The following LRRC7 variants were observed in gnomAD, a reference collection of about 807,000 sequenced individuals.
LRRC7 encodes leucine-rich repeat-containing protein 7.
A neutral mutation model predicts 175.7 loss-of-function variants in LRRC7; 23 were observed. The ratio of observed to expected loss-of-function variants is 0.13; its 90% CI spans 0.09 to 0.19. The LOEUF is 0.19. Among genes scored for constraint, LRRC7 ranks in the 10% least tolerant of loss-of-function variants. The pLI, the probability that LRRC7 is intolerant of heterozygous loss-of-function variation, is 1.00. For synonymous variants in LRRC7, 685 were observed against 680.9 expected (o/e 1.01, Z -0.09); for missense variants, 1,354 against 1,904.7 (o/e 0.71, Z 5.38).
intron 3 of LRRC7, among the ~76,000 whole-genome samples, chr1:69,768,487 AT>A (rs1188399957): frequency 2.0e-5 from 3 of 152,180 alleles, no homozygotes; most frequent in Non-Finnish European, 4.4e-5. Context: ...TTTAAGCCTC[AT>A]TGTGTCTCTA....
At chr1:69,965,574 T>A (rs924048633) in intron 8 of LRRC7, among the ~76,000 whole-genome samples, 89 of 152,092 alleles carry the variant, frequency 5.9e-4, no homozygotes, top group African/African-American at 1.9e-3. Flanking sequence ...ATATAAAAAA[T>A]TTTTTTCCAA....
At chr1:69,953,490 C>T (rs183941851) in intron 8 of LRRC7, among the ~76,000 whole-genome samples, 1 of 152,012 alleles carries the variant, frequency 6.6e-6, no homozygotes, top group Non-Finnish European at 1.5e-5. Flanking sequence ...TGGCACACAT[C>T]TTTCCCTTCT....
chr1:69,824,868 AG>A (rs1168511289), intron 4 of LRRC7, among the ~76,000 whole-genome samples: 2 of 152,306 alleles, frequency 1.3e-5, no homozygotes, highest in Middle Eastern at 3.4e-3. Flanking sequence ...GTGGTACTGC[AG>A]GCATATCGCA....
At chr1:69,987,646 T>C (rs1321489962) in intron 10 of LRRC7, among the ~76,000 whole-genome samples, 3 of 152,204 alleles carry the variant, frequency 2.0e-5, no homozygotes, top group African/African-American at 7.2e-5. Context: ...CCAGAACATA[T>C]AACTTTTAAA....
rs1248344771 is a variant in LRRC7, at chr1:70,125,684, T to A, written c.*3797T>A. On this transcript the variant is annotated 3_prime_UTR_variant, in exon 27 of 27. Coordinates refer to ENST00000651989, the MANE Select transcript of LRRC7 (RefSeq NM_001370785.2). ...GCGGGCGCCTGTAGTCCCAGCTACT[T>A]GGGAGGCTGAGGCAGGAGAATGGCG... Among the ~76,000 whole-genome samples, 1 of 144,900 alleles carries A rather than the reference T, an allele frequency of 6.9e-6. No individual in the cohort carries two copies. The highest frequency in any genetic ancestry group is 1.5e-5 in the Non-Finnish European group (1 of 66,078).
chr1:70,126,695 G>A lies in LRRC7; in HGVS notation c.*4808G>A, dbSNP rs888313902. Among the ~76,000 whole-genome samples, 2 of 152,192 alleles carry A rather than the reference G, an allele frequency of 1.3e-5. No homozygotes were observed. The highest frequency in any genetic ancestry group is 2.9e-5 in the Non-Finnish European group (2 of 68,038). ...GATGTGCGCTATGTATAGAAAGCAT[G>A]TGGGTCACTATTACAGGAGATCCTG... On this transcript the variant is annotated 3_prime_UTR_variant, in exon 27 of 27. Transcript: ENST00000651989.
intron 8 of LRRC7, among the ~76,000 whole-genome samples, chr1:69,956,334 C>G (rs1650481021): frequency 6.6e-6 from 1 of 151,856 alleles, no homozygotes; most frequent in Non-Finnish European, 1.5e-5. Context: ...CTTCTCCACA[C>G]CCACACTCAT....
Position 69,695,089 on chromosome 1 carries a change from G to A in LRRC7, c.100+16611G>A, listed in dbSNP as rs951262876. 2.6e-5 allele frequency among the ~76,000 whole-genome samples: 4 copies of A among 152,286 alleles called. No homozygotes were observed. In the East Asian group the frequency reaches 7.7e-4, roughly 29 times the overall value. On this transcript the variant is annotated intron_variant, in intron 2 of 26. Transcript: ENST00000651989. Reference sequence around the variant, plus strand: ...ATAAGGGAAAATTTGAAACTTTTGAGTGGCTTCTTAAGTATTTGTGACCAA... The same window carrying A: ...ATAAGGGAAAATTTGAAACTTTTGAATGGCTTCTTAAGTATTTGTGACCAA...
chr1:69,977,833 C>G (rs1452565758), intron 8 of LRRC7, among the ~76,000 whole-genome samples: 2 of 152,076 alleles, frequency 1.3e-5, no homozygotes, highest in African/African-American at 2.4e-5. Flanking sequence ...GAAAGTAAGC[C>G]TTTTGTGTTA....
At chr1:69,923,941 A>G (rs951839789) in intron 7 of LRRC7, among the ~76,000 whole-genome samples, 8 of 151,572 alleles carry the variant, frequency 5.3e-5, no homozygotes, top group Admixed American at 1.3e-4. Context: ...TTTAGGTCTA[A>G]CATTTAAGTC....
chr1:69,721,327 T>C (rs536683675), intron 2 of LRRC7, among the ~76,000 whole-genome samples: 2 of 152,076 alleles, frequency 1.3e-5, no homozygotes, highest in South Asian at 4.1e-4. Context: ...ACAATTATAG[T>C]ATAATACGGA....
chr1:69,649,985 G>C (rs568815428), intron 1 of LRRC7, among the ~76,000 whole-genome samples: 30 of 152,074 alleles, frequency 2.0e-4, no homozygotes, highest in African/African-American at 7.2e-4. Flanking sequence ...GCAAGCATGC[G>C]ATAAGAGATG....
At chr1:69,612,945 G>A (rs1749499) in intron 1 of LRRC7, among the ~76,000 whole-genome samples, 19,533 of 151,906 alleles carry the variant, frequency 0.13, 1,601 homozygotes, top group South Asian at 0.19. Flanking sequence ...ACAAGCTCTC[G>A]ACACACTAAA....
rs560098569 is a variant in LRRC7, at chr1:70,141,787, A to C, written c.*19900A>C. The C allele has an allele frequency of 6.6e-5, 10 of 152,278 alleles. No individual in the cohort carries two copies. The highest frequency in any genetic ancestry group is 6.2e-4 in the South Asian group (3 of 4,832). 9.4% of individuals were successfully genotyped at this position (152,278 alleles called of 1,614,324 possible). ...TTAAGAAAAGGTTTCTTATATTGAAAACTTTTATGGTGACTCAGGTTTTGT... is the reference window on the plus strand; with the variant it reads ...TTAAGAAAAGGTTTCTTATATTGAACACTTTTATGGTGACTCAGGTTTTGT... On this transcript the variant is annotated 3_prime_UTR_variant, in exon 27 of 27. Transcript: ENST00000651989.
chr1:69,834,572 G>A (rs1680898673), intron 5 of LRRC7, among the ~76,000 whole-genome samples: 1 of 152,080 alleles, frequency 6.6e-6, no homozygotes, highest in African/African-American at 2.4e-5. Flanking sequence ...GAGTAGCATG[G>A]AAGTGGATAA....
chr1:69,964,092 C>G (rs989877958), intron 8 of LRRC7, among the ~76,000 whole-genome samples: 14 of 152,170 alleles, frequency 9.2e-5, no homozygotes, highest in African/African-American at 3.1e-4. Context: ...CCTTACTCAT[C>G]ATATTTTACA....
intron 6 of LRRC7, 40 bp downstream of exon 6, chr1:69,834,909 C>A: frequency 1.3e-6 from 2 of 1,508,236 alleles, no homozygotes; most frequent in South Asian, 1.1e-5. Flanking sequence ...TATATCTCAC[C>A]TTAGGTAAGT....
At chr1:69,722,147 A>G (rs1666431502) in intron 2 of LRRC7, among the ~76,000 whole-genome samples, 1 of 151,962 alleles carries the variant, frequency 6.6e-6, no homozygotes, top group Non-Finnish European at 1.5e-5. Context: ...ACATATATAT[A>G]TATATATTTT....
intron 24 of LRRC7, among the ~76,000 whole-genome samples, chr1:70,077,291 T>C (rs1482905506): frequency 6.6e-6 from 1 of 152,176 alleles, no homozygotes; most frequent in Non-Finnish European, 1.5e-5. Flanking sequence ...ATTCTCAGAA[T>C]CATAGGTGCA....
Sources: allele counts gnomAD v4.1 joint callset (sites outside exome capture counted in the v4.1 genomes callset), GRCh38; gene constraint gnomAD v4.1.1; transcripts MANE v1.5; gene names NCBI Gene and HGNC (gene_info 2026-07-23, HGNC 2026-07-21).